The following GRHL2 variants were observed in gnomAD, a reference collection of about 807,000 sequenced individuals.
The protein encoded by GRHL2 is grainyhead like transcription factor 2, also known as grainyhead-like protein 2 homolog.
In GRHL2, 21 loss-of-function variants were observed where a neutral mutation model predicts 83.8. The ratio of observed to expected loss-of-function variants is 0.25; its 90% CI spans 0.18 to 0.36. The LOEUF (loss-of-function observed/expected upper bound fraction) is 0.36, where lower values mean the gene tolerates loss of function less well. Ranked by LOEUF, GRHL2 falls within the 10% of genes least tolerant of loss-of-function variation. The pLI, the probability that GRHL2 is intolerant of heterozygous loss-of-function variation, is 1.00. For missense variants in GRHL2, 623 were observed against 781.8 expected (o/e 0.80, Z 2.42); for synonymous variants, 280 against 278.9 (o/e 1.00, Z -0.04).
Position 101,631,685 on chromosome 8 carries a change from A to G in GRHL2, c.1306A>G (p.Lys436Glu). 1 of 1,613,804 alleles carries G rather than the reference A, an allele frequency of 6.2e-7. No homozygotes were observed. Among genetic ancestry groups the G allele is most frequent in the South Asian group, 1.1e-5 (1 of 91,080 alleles). The change falls in exon 10 of 16, where the codon AAA becomes GAA. Residue 436 changes from lysine to glutamate, a missense_variant. By Grantham distance (56) the Lys-to-Glu change is moderately conservative. Around this residue, in one of 8 missense-constraint regions of GRHL2, gnomAD observed 210 missense variants for 254.8 expected, o/e 0.82. Transcript: ENST00000646743. ...TGAAGAGCGGAAGCAGAACAGGAAG[A>G]AAGGGAAAGGCCAGGCCTCCCAAAC... ...RDEERKQNRK[K>E]GKGQASQTQC...
At position 101,577,483 on chromosome 8, in the gene GRHL2, C is replaced by T. The variant is rs1811956565; in HGVS notation, c.967C>T (p.Arg323Trp). ...CAAATACTGGAAATACTGGCACTCT[C>T]GGCAGCATACGGCGAAGCAGAGGGT... The part of the protein sequence containing the change: ...QLKYWKYWHS[R>W]QHTAKQRVLD... The change falls in exon 7 of 16, where the codon CGG becomes TGG. Residue 323 changes from arginine to tryptophan, a missense_variant. By Grantham distance (101) the Arg-to-Trp change is moderately radical. Around this residue, in one of 8 missense-constraint regions of GRHL2, gnomAD observed 96 missense variants for 144.8 expected, o/e 0.66. Transcript: ENST00000646743. The T allele has an allele frequency of 3.7e-6, 6 of 1,613,818 alleles. No homozygotes were observed. The highest frequency in any genetic ancestry group is 1.3e-5 in the African/African-American group (1 of 74,916).
At chr8:101,614,672 G>A (rs1299789579) in intron 8 of GRHL2, among the ~76,000 whole-genome samples, 1 of 152,212 alleles carries the variant, frequency 6.6e-6, no homozygotes, top group Non-Finnish European at 1.5e-5. Flanking sequence ...ACACTTCCAA[G>A]TAATTTGCTT....
chr8:101,678,174 G>T, the GRHL2 span, among the ~76,000 whole-genome samples: 1 of 152,152 alleles, frequency 6.6e-6, no homozygotes, highest in Non-Finnish European at 1.5e-5. Flanking sequence ...TGAGGTACTG[G>T]GTTCATCTCA....
rs1287319136 is a variant in GRHL2 at position 101,594,855 on chromosome 8, C to T, written c.1004-4202C>T. Among the ~76,000 whole-genome samples the T allele has an allele frequency of 2.6e-5, 4 of 152,056 alleles. No individual in the cohort carries two copies. The East Asian group carries it at 5.8e-4, about 22-fold the overall frequency. ...AGCAGTATTTAAGATAAGTTCCTTG[C>T]CCTCATATAACATATATAACTAATG... On this transcript the variant is annotated intron_variant, in intron 7 of 15. Coordinates refer to ENST00000646743, the MANE Select transcript of GRHL2 (RefSeq NM_024915.4).
At chr8:101,537,606 A>G (rs937713818) in intron 1 of GRHL2, among the ~76,000 whole-genome samples, 8 of 152,250 alleles carry the variant, frequency 5.3e-5, no homozygotes, top group African/African-American at 1.7e-4. Context: ...TCAAATGTAA[A>G]TATCTGAGTG....
intron 7 of GRHL2, among the ~76,000 whole-genome samples, chr8:101,593,926 AGGC>A (rs1382550278): frequency 1.3e-5 from 2 of 151,816 alleles, no homozygotes; most frequent in Non-Finnish European, 2.9e-5. Context: ...AAAATTAGCC[AGGC>A]ATGGTGGCAG....
chr8:101,664,690 A>AGAGG (rs965932324), intron 15 of GRHL2, among the ~76,000 whole-genome samples, 172 bp downstream of exon 15: 4 of 151,958 alleles, frequency 2.6e-5, no homozygotes, highest in African/African-American at 9.7e-5. Context: ...TCTTTAGGAG[A>AGAGG]GAGGGAGGGA....
In GRHL2 at chr8:101,644,326, C is replaced by T. The variant is rs2129670066; in HGVS notation, c.1612+101C>T. On this transcript the variant is annotated intron_variant, in intron 13 of 15. Transcript: ENST00000646743. ...TGCCCAGGCCCCCATGGCTCTGTGCCAGCCTGGTGACTTTCTCTTCACACA... is the reference window on the plus strand; with the variant it reads ...TGCCCAGGCCCCCATGGCTCTGTGCTAGCCTGGTGACTTTCTCTTCACACA... The T allele has an allele frequency of 7.9e-6, 7 of 886,458 alleles. No homozygotes were observed. In the South Asian group the frequency reaches 9.9e-5, roughly 13 times the overall value. 54.9% of individuals were successfully genotyped at this position (886,458 alleles called of 1,614,324 possible). A position where few individuals can be genotyped will look rare whatever the true frequency, so the allele number is the denominator to read the frequency against.
At chr8:101,582,998 T>C (rs1337808918) in intron 7 of GRHL2, among the ~76,000 whole-genome samples, 1 of 152,170 alleles carries the variant, frequency 6.6e-6, no homozygotes, top group Non-Finnish European at 1.5e-5. Flanking sequence ...TACCTGCAAA[T>C]TGCCATTCAT....
At chr8:101,522,756 C>A (rs55782649) in intron 1 of GRHL2, among the ~76,000 whole-genome samples, 1 of 111,538 alleles carries the variant, frequency 9.0e-6, no homozygotes, top group African/African-American at 4.1e-5. Context: ...TATATACACA[C>A]ACATATACAT....
chr8:101,631,807 T>C (rs1400243211), intron 10 of GRHL2, 83 bp downstream of exon 10: 5 of 1,166,710 alleles, frequency 4.3e-6, no homozygotes, highest in South Asian at 1.2e-5. Flanking sequence ...AAGAAGTGGG[T>C]TGCAGGTAAA....
At chr8:101,575,897 T>A (rs1463683750) in intron 6 of GRHL2, among the ~76,000 whole-genome samples, 1 of 152,204 alleles carries the variant, frequency 6.6e-6, no homozygotes, top group Non-Finnish European at 1.5e-5. Context: ...ATCCAGTGCC[T>A]CTGAAGATCT....
chr8:101,522,267 T>A (rs1326032681), intron 1 of GRHL2, among the ~76,000 whole-genome samples: 2 of 151,500 alleles, frequency 1.3e-5, no homozygotes, highest in South Asian at 2.1e-4. Context: ...TCAAAGATAG[T>A]CAGAAAAAAA....
chr8:101,507,936 C>G (rs1398563276), intron 1 of GRHL2, among the ~76,000 whole-genome samples: 1 of 151,928 alleles, frequency 6.6e-6, no homozygotes, highest in Non-Finnish European at 1.5e-5. Flanking sequence ...ATGTGTGCCA[C>G]CATGCCCAGC....
downstream of GRHL2, among the ~76,000 whole-genome samples, chr8:101,672,485 G>A (rs573625296): frequency 1.4e-4 from 21 of 151,740 alleles, no homozygotes; most frequent in Non-Finnish European, 2.2e-4. Flanking sequence ...GAAATGAAGC[G>A]AGAAGGGAAG....
chr8:101,529,052 C>A, intron 1 of GRHL2: 1 of 383,300 alleles, frequency 2.6e-6, no homozygotes, highest in South Asian at 2.1e-5. Context: ...GCTTCCACGT[C>A]AACAGTTTTT....
At chr8:101,495,832 C>T (rs2847730) in intron 1 of GRHL2, among the ~76,000 whole-genome samples, 149,841 of 152,298 alleles carry the variant, frequency 0.98, 73,792 homozygotes, top group Non-Finnish European at 1. Context: ...AAAAATACAA[C>T]AGTTACAAAA....
intron 7 of GRHL2, among the ~76,000 whole-genome samples, chr8:101,582,222 A>G (rs1030678741): frequency 2.9e-5 from 4 of 136,342 alleles, no homozygotes; most frequent in Non-Finnish European, 6.3e-5. Flanking sequence ...TGAGCAACAG[A>G]GCAAGACTCC....
intron 1 of GRHL2, among the ~76,000 whole-genome samples, chr8:101,514,645 G>C (rs1011273569): frequency 6.6e-6 from 1 of 152,178 alleles, no homozygotes; most frequent in Non-Finnish European, 1.5e-5. Flanking sequence ...CTGCTCTCCC[G>C]GCAGCTGGAG....
Sources: allele counts gnomAD v4.1 joint callset (sites outside exome capture counted in the v4.1 genomes callset), GRCh38; gene constraint gnomAD v4.1.1; regional missense constraint gnomAD v4.1.1; transcripts MANE v1.5; gene names NCBI Gene and HGNC (gene_info 2026-07-23, HGNC 2026-07-21).